SOX6: variants seen among roughly 807,000 people sequenced by gnomAD.
SOX6 encodes the protein transcription factor SOX-6.
Under a neutral mutation model 97.8 loss-of-function variants are expected in SOX6, and 11 were observed. That is an observed-to-expected ratio of 0.11 (90% CI 0.07 to 0.19). SOX6 has a LOEUF of 0.19. Among genes scored for constraint, SOX6 ranks in the 10% least tolerant of loss-of-function variants. SOX6 has a pLI of 1.00. For missense variants in SOX6, 810 were observed against 1,039.5 expected, an observed-to-expected ratio of 0.78 and a Z score of 3.04; for synonymous variants, 360 against 371.4, an observed-to-expected ratio of 0.97 and a Z score of 0.35.
chr11:16,667,797 CTG>C (rs1447420562), intron 3 of SOX6, among the ~76,000 whole-genome samples: 2 of 152,088 alleles, frequency 1.3e-5, no homozygotes, highest in East Asian at 3.8e-4. Context: ...TATTATAACA[CTG>C]TAAATGTGGT....
At chr11:16,397,304 A>T (rs1858390476) in intron 1 of SOX6, among the ~76,000 whole-genome samples, 1 of 151,592 alleles carries the variant, frequency 6.6e-6, no homozygotes. Context: ...AATAGCATGT[A>T]TAGGGATCTC....
At chr11:16,212,481 C>G (rs983736293) in intron 4 of SOX6, among the ~76,000 whole-genome samples, 1 of 151,758 alleles carries the variant, frequency 6.6e-6, no homozygotes, top group Admixed American at 6.6e-5. Context: ...TAAATTCACA[C>G]GTTGATATGC....
intron 4 of SOX6, among the ~76,000 whole-genome samples, chr11:16,611,281 T>A (rs1167726242): frequency 6.6e-6 from 1 of 152,182 alleles, no homozygotes; most frequent in African/African-American, 2.4e-5. Flanking sequence ...TAACGGCTAT[T>A]AAAACCTCGA....
intron 4 of SOX6, among the ~76,000 whole-genome samples, chr11:16,482,760 G>A (rs1262402686): frequency 6.9e-6 from 1 of 143,894 alleles, no homozygotes; most frequent in Non-Finnish European, 1.5e-5. Flanking sequence ...TGTAGTGTAA[G>A]TGCCTTATAC....
At chr11:16,379,877 C>A (rs1228326688) in intron 1 of SOX6, among the ~76,000 whole-genome samples, 1 of 151,764 alleles carries the variant, frequency 6.6e-6, no homozygotes, top group Admixed American at 6.6e-5. Flanking sequence ...GAAATGGCCA[C>A]AATAGAATAG....
In SOX6 at chr11:16,363,526, T is replaced by C. The variant is rs184674138; in HGVS notation, c.-4-22274A>G. On this transcript the variant is annotated intron_variant, in intron 1 of 15. Transcript: ENST00000396356. ...TGAGATACTCAACCTGTATTAAAGA[T>C]GTAGAAACAGATTTAGTTGGTTAAA... Among the ~76,000 whole-genome samples the C allele has an allele frequency of 9.5e-4, 145 of 152,264 alleles. No individual in the cohort carries two copies. The Middle Eastern group carries it at 0.044, about 46-fold the overall frequency.
chr11:16,224,430 T>C (rs1325783619), intron 4 of SOX6, among the ~76,000 whole-genome samples: 1 of 152,102 alleles, frequency 6.6e-6, no homozygotes, highest in Admixed American at 6.6e-5. Flanking sequence ...ATGATTCTAA[T>C]GTATCATAAT....
chr11:16,572,528 T>C (rs1213764290), intron 4 of SOX6, among the ~76,000 whole-genome samples: 2 of 152,218 alleles, frequency 1.3e-5, no homozygotes, highest in East Asian at 3.8e-4. Flanking sequence ...ATTTGATTAA[T>C]GTTAAAGTCA....
intron 4 of SOX6, among the ~76,000 whole-genome samples, chr11:16,517,073 A>G (rs1369174177): frequency 9.5e-4 from 142 of 148,736 alleles, no homozygotes; most frequent in Admixed American, 1.7e-3. Context: ...GCCAAAGACA[A>G]AAACCACATG....
chr11:16,122,931 G>A (rs1590210370), intron 6 of SOX6, among the ~76,000 whole-genome samples: 2 of 152,000 alleles, frequency 1.3e-5, no homozygotes, highest in East Asian at 3.9e-4. Context: ...TACAAATCTA[G>A]TCCAAACATA....
chr11:16,594,645 G>A (rs1399325286), intron 4 of SOX6, among the ~76,000 whole-genome samples: 1 of 135,474 alleles, frequency 7.4e-6, no homozygotes, highest in Admixed American at 7.4e-5. Flanking sequence ...TTGTTCAGCT[G>A]CTATATTCTT....
intron 4 of SOX6, among the ~76,000 whole-genome samples, chr11:16,233,770 G>A: frequency 6.6e-6 from 1 of 152,022 alleles, no homozygotes; most frequent in Non-Finnish European, 1.5e-5. Context: ...AGCAATTTGG[G>A]AGGCCAAGAC....
At chr11:16,484,224 C>A in intron 4 of SOX6, 1 of 846,466 alleles carries the variant, frequency 1.2e-6, no homozygotes, top group South Asian at 1.3e-5. Flanking sequence ...AGCCCTTCAT[C>A]CACCAGCTCC....
intron 12 of SOX6, among the ~76,000 whole-genome samples, chr11:16,042,234 T>C (rs931205971): frequency 2.6e-5 from 4 of 152,160 alleles, no homozygotes; most frequent in African/African-American, 9.7e-5. Context: ...GTAATCTACA[T>C]GTAGTCTGTC....
chr11:16,733,379 A>G (rs1387079640), intron 2 of SOX6, among the ~76,000 whole-genome samples: 1 of 152,148 alleles, frequency 6.6e-6, no homozygotes, highest in Non-Finnish European at 1.5e-5. Context: ...CATATACACC[A>G]TGGAATACTA....
At chr11:16,299,701 AAT>A (rs2134271599) in intron 3 of SOX6, among the ~76,000 whole-genome samples, 1 of 152,284 alleles carries the variant, frequency 6.6e-6, no homozygotes, top group South Asian at 2.1e-4. Flanking sequence ...AGCTCTGCAA[AAT>A]ATGTTTTTCC....
chr11:16,307,956 G>C (rs1269228317), intron 3 of SOX6, among the ~76,000 whole-genome samples: 1 of 152,104 alleles, frequency 6.6e-6, no homozygotes, highest in East Asian at 1.9e-4. Flanking sequence ...ACTTCATTGT[G>C]AGAGTACTTG....
intron 10 of SOX6, among the ~76,000 whole-genome samples, chr11:16,052,500 C>T (rs1026019090): frequency 1.3e-5 from 2 of 152,108 alleles, no homozygotes; most frequent in African/African-American, 4.8e-5. Context: ...TCTCATTTGG[C>T]TCTAGTTGCA....
intron 12 of SOX6, 104 bp downstream of exon 12, chr11:16,046,410 C>T: frequency 7.8e-7 from 1 of 1,276,468 alleles, no homozygotes; most frequent in Non-Finnish European, 1.1e-6. Context: ...AAGCTGGAAG[C>T]CCAAATCTAT....
Sources: allele counts gnomAD v4.1 joint callset (sites outside exome capture counted in the v4.1 genomes callset), GRCh38; gene constraint gnomAD v4.1.1; transcripts MANE v1.5; gene names NCBI Gene and HGNC (gene_info 2026-07-23, HGNC 2026-07-21).